VPS13B: variants seen among roughly 807,000 people sequenced by gnomAD.
The protein encoded by VPS13B is vacuolar protein sorting 13 homolog B, also known as intermembrane lipid transfer protein VPS13B.
In VPS13B, 285 loss-of-function variants were observed where a neutral mutation model predicts 426.4. The observed-to-expected ratio is 0.67, with a 90% confidence interval of 0.61 to 0.74. VPS13B has a LOEUF of 0.74. Among genes scored for constraint, VPS13B ranks in the 30% least tolerant of loss-of-function variants. VPS13B has a pLI of 0.00. For synonymous variants in VPS13B, 1,676 were observed against 1,676.4 expected (o/e 1.00, Z 0.01); for missense variants, 4,537 against 4,782.6 (o/e 0.95, Z 1.51).
rs549140288 is a variant in VPS13B, at chr8:99,339,025, G to A, written c.2825-45183G>A. Among the ~76,000 whole-genome samples, 11 of 152,142 alleles carry A rather than the reference G, an allele frequency of 7.2e-5. No individual in the cohort carries two copies. The East Asian group carries it at 9.7e-4, about 13-fold the overall frequency. ...CTCCTGTTTCACCATATCAGAGTTG[G>A]ACACTATTCTAAAGTTAGAGATTAT... On this transcript the variant is annotated intron_variant, in intron 19 of 61. Transcript: ENST00000357162.
intron 30 of VPS13B, among the ~76,000 whole-genome samples, chr8:99,543,612 A>G (rs1823766376): frequency 6.6e-6 from 1 of 151,800 alleles, no homozygotes. Flanking sequence ...AAACAAATTT[A>G]CAAGAAAAAA....
At chr8:99,686,629 G>A (rs2130038093) in intron 35 of VPS13B, among the ~76,000 whole-genome samples, 1 of 151,942 alleles carries the variant, frequency 6.6e-6, no homozygotes, top group African/African-American at 2.4e-5. Context: ...TCTCCCCATG[G>A]CCACCACCAT....
At chr8:99,514,905 G>A (rs1426564872) in intron 29 of VPS13B, among the ~76,000 whole-genome samples, 2 of 152,174 alleles carry the variant, frequency 1.3e-5, no homozygotes, top group African/African-American at 4.8e-5. Flanking sequence ...ACGATTTGTG[G>A]TATTTTCTGA....
intron 34 of VPS13B, among the ~76,000 whole-genome samples, chr8:99,646,503 T>G (rs1478619150): frequency 6.6e-5 from 10 of 152,166 alleles, no homozygotes; most frequent in Non-Finnish European, 1.5e-4. Flanking sequence ...GCAGCCTGGA[T>G]GACAGATTGA....
intron 3 of VPS13B, among the ~76,000 whole-genome samples, chr8:99,052,290 A>G (rs1843597474): frequency 1.1e-5 from 1 of 91,590 alleles, no homozygotes; most frequent in Admixed American, 1.2e-4. Context: ...TGAGATAATC[A>G]TATGGTTTTT....
At chr8:99,053,162 T>C (rs1002290213) in intron 3 of VPS13B, among the ~76,000 whole-genome samples, 24 of 152,016 alleles carry the variant, frequency 1.6e-4, no homozygotes, top group Non-Finnish European at 3.2e-4. Context: ...TAGTATACTT[T>C]AAGTTTTAGG....
intron 35 of VPS13B, chr8:99,696,804 C>A: frequency 7.1e-7 from 1 of 1,402,416 alleles, no homozygotes; most frequent in Non-Finnish European, 1.0e-6. Flanking sequence ...AATGAGCTGA[C>A]CCTGGACAAC....
rs1001557819 is a variant in VPS13B at position 99,820,997 on chromosome 8, T to C, written c.8995-297T>C. On this transcript the variant is annotated intron_variant, in intron 49 of 61. Transcript: ENST00000357162. ...CCTTTGGTATTTGCAGGGTAGTCACTGTTTGGGTTTGGTTTTCCCCTCCCT... is the reference window on the plus strand; with the variant it reads ...CCTTTGGTATTTGCAGGGTAGTCACCGTTTGGGTTTGGTTTTCCCCTCCCT... Among the ~76,000 whole-genome samples the C allele has an allele frequency of 2.6e-5, 4 of 151,744 alleles. No individual in the cohort carries two copies. The South Asian group carries it at 8.3e-4, about 32-fold the overall frequency.
At chr8:99,477,439 C>T (rs150734025) in intron 24 of VPS13B, among the ~76,000 whole-genome samples, 52 of 152,236 alleles carry the variant, frequency 3.4e-4, no homozygotes, top group African/African-American at 9.1e-4. Context: ...GGCTAAAAGC[C>T]GTGAGCCAAT....
At chr8:99,643,874 G>A (rs1403613573) in intron 34 of VPS13B, among the ~76,000 whole-genome samples, 2 of 152,218 alleles carry the variant, frequency 1.3e-5, no homozygotes, top group African/African-American at 2.4e-5. Flanking sequence ...CAATGAAAAT[G>A]TGGGAGATGC....
At chr8:99,532,196 G>A (rs1822969826) in intron 30 of VPS13B, among the ~76,000 whole-genome samples, 1 of 152,028 alleles carries the variant, frequency 6.6e-6, no homozygotes, top group Non-Finnish European at 1.5e-5. Context: ...TTATTCCATA[G>A]CTCCTTTTTA....
Position 99,068,665 on chromosome 8 carries a change from A to G in VPS13B, c.292-27647A>G, listed in dbSNP as rs536353736. Among the ~76,000 whole-genome samples, 3 of 152,308 alleles carry G rather than the reference A, an allele frequency of 2.0e-5. No individual in the cohort carries two copies. The South Asian group carries it at 6.2e-4, about 32-fold the overall frequency. On this transcript the variant is annotated intron_variant, in intron 3 of 61. Transcript: ENST00000357162. ...GGGAGGCCTCAGAAAACTTACAATT[A>G]TGGCAGAAGGCGAAGGGAAAGCAGG...
chr8:99,820,029 C>G lies in VPS13B; in HGVS notation c.8901C>G (p.Ile2967Met). The G allele has an allele frequency of 1.2e-6, 2 of 1,614,004 alleles. No individual in the cohort carries two copies. Among genetic ancestry groups the G allele is most frequent in the African/African-American group, 2.7e-5 (2 of 75,040 alleles). Residue 2967 changes from isoleucine to methionine, a missense_variant, in exon 49 of 62, where the codon ATC becomes ATG. Physicochemically the swap from Ile to Met is conservative, Grantham distance 10 (BLOSUM62 1). Coordinates refer to ENST00000357162, the MANE Select transcript of VPS13B (RefSeq NM_152564.5). ...AACTTCTGCCCTGGGCCCTGCTTAT[C>G]AATGAATCCAAATGGGACCTCTGGC... ...LIELLPWALL[I>M]NESKWDLWLF...
intron 19 of VPS13B, among the ~76,000 whole-genome samples, chr8:99,382,564 G>T (rs1455313522): frequency 6.6e-6 from 1 of 152,010 alleles, no homozygotes; most frequent in African/African-American, 2.4e-5. Context: ...CTAAGAATTT[G>T]ATTCTTTTTT....
chr8:99,729,594 A>G (rs777700608), intron 39 of VPS13B, among the ~76,000 whole-genome samples: 2 of 152,210 alleles, frequency 1.3e-5, no homozygotes, highest in Non-Finnish European at 2.9e-5. Flanking sequence ...CACAGATTCT[A>G]TAGTCTTCCA....
chr8:99,270,824 T>C (rs1211318256), intron 17 of VPS13B, among the ~76,000 whole-genome samples: 1 of 152,144 alleles, frequency 6.6e-6, no homozygotes, highest in East Asian at 1.9e-4. Flanking sequence ...TAAGTTCTGT[T>C]TCTCTCTCAT....
rs2129968674 is a variant in VPS13B at position 99,680,107 on chromosome 8, A to C, written c.6046+18616A>C. On this transcript the variant is annotated intron_variant, in intron 35 of 61. Coordinates refer to ENST00000357162, the MANE Select transcript of VPS13B (RefSeq NM_152564.5). ...TTGCAAATAAAATTCCACAGGAAGA[A>C]ACACTTAACAAAGAAGTTTTCTTTC... 1.3e-5 allele frequency among the ~76,000 whole-genome samples: 2 copies of C among 152,330 alleles called. 1 individual carries two copies. Among genetic ancestry groups the C allele is most frequent in the Admixed American group, 1.3e-4 (2 of 15,298 alleles).
chr8:99,849,260 C>T (rs964739068), intron 55 of VPS13B, among the ~76,000 whole-genome samples: 2 of 152,122 alleles, frequency 1.3e-5, no homozygotes, highest in Admixed American at 6.5e-5. Flanking sequence ...AATATAAATA[C>T]GCCTCTTAGA....
At chr8:99,752,616 C>CT (rs1449884630) in intron 39 of VPS13B, among the ~76,000 whole-genome samples, 8 of 152,268 alleles carry the variant, frequency 5.3e-5, no homozygotes, top group Admixed American at 3.9e-4. Context: ...TATGAGGAAG[C>CT]TTTGTAAAAT....
Sources: gnomAD v4.1 joint callset for allele counts (sites outside exome capture counted in the v4.1 genomes callset) on GRCh38, gnomAD v4.1.1 for gene constraint, MANE v1.5 for transcripts, NCBI Gene and HGNC (gene_info 2026-07-23, HGNC 2026-07-21) for gene names.